The following PABPC4 variants were observed in gnomAD, a reference collection of about 807,000 sequenced individuals.
PABPC4 encodes poly(A) binding protein cytoplasmic 4.
Under a neutral mutation model 74.5 loss-of-function variants are expected in PABPC4, and 15 were observed. That is an observed-to-expected ratio of 0.20 (90% confidence interval 0.13 to 0.31). PABPC4 has a LOEUF of 0.31. PABPC4 is among the 10% of genes least tolerant of loss of function. The probability of loss-of-function intolerance (pLI) is 1.00; values close to 1 mark genes in which losing one functional copy is unlikely to be tolerated. For missense variants in PABPC4, 610 were observed against 853.5 expected, an observed-to-expected ratio of 0.71 and a Z score of 3.55; for synonymous variants, 345 against 303.0, an observed-to-expected ratio of 1.14 and a Z score of -1.44.
intron 12 of PABPC4, 99 bp downstream of exon 12, chr1:39,563,515 G>A (rs1020836759): frequency 1.4e-6 from 2 of 1,397,618 alleles, no homozygotes; most frequent in Middle Eastern, 2.6e-4. Flanking sequence ...ACACAGAGCA[G>A]GCATTTAATA....
rs116239106 is a variant in PABPC4, at chr1:39,564,007, C to T, written c.1454-85G>A. ...CCACGGAAGGAGAAATTTCAAAGCACGTTTACGCAACACATTGCACAGGGG... is the reference window on the plus strand; with the variant it reads ...CCACGGAAGGAGAAATTTCAAAGCATGTTTACGCAACACATTGCACAGGGG... On this transcript the variant is annotated intron_variant, in intron 10 of 15. Coordinates refer to ENST00000372858, the MANE Select transcript of PABPC4 (RefSeq NM_001135653.2). 4,127 of 1,271,928 alleles carry T rather than the reference C, an allele frequency of 3.2e-3. 74 individuals carry two copies. The African/African-American group carries it at 0.05, about 15-fold the overall frequency. The allele number at this position is 1,271,928 out of a possible 1,614,324, so 78.8% of individuals were successfully genotyped here.
chr1:39,569,411 G>A lies in PABPC4; in HGVS notation c.738+184C>T, dbSNP rs1427007782. On this transcript the variant is annotated intron_variant, in intron 5 of 15. Coordinates refer to ENST00000372858, the MANE Select transcript of PABPC4 (RefSeq NM_001135653.2). ...CTGAGGTGACAGGTATGTGCCAAGT[G>A]CTTTGTAAACACCTACATGAAGTTA... 6.6e-6 allele frequency: 4 copies of A among 604,154 alleles called. No individual in the cohort carries two copies. In the African/African-American group the frequency reaches 7.4e-5, roughly 11 times the overall value. 37.4% of individuals were successfully genotyped at this position (604,154 alleles called of 1,614,324 possible). A position where few individuals can be genotyped will look rare whatever the true frequency, so the allele number is the denominator to read the frequency against.
Position 39,562,055 on chromosome 1 carries a change from G to T in PABPC4, c.1893+18C>A, listed in dbSNP as rs201782350. On this transcript the variant is annotated intron_variant, in intron 14 of 15. Transcript: ENST00000372858. ...CCAAGCTGAGAACTGAAGCTGCAGGGTCTGAGCCCCAGCTCACCTTGGAGC... is the reference window on the plus strand; with the variant it reads ...CCAAGCTGAGAACTGAAGCTGCAGGTTCTGAGCCCCAGCTCACCTTGGAGC... 15 of 1,611,352 alleles carry T rather than the reference G, an allele frequency of 9.3e-6. No homozygotes were observed. The East Asian group carries it at 3.1e-4, about 34-fold the overall frequency.
rs935591168 is a variant in PABPC4, at chr1:39,561,108, T to C, written c.*28A>G. ...TTGAGTTGAATTCCATAAGGGGTTATTTGGCTTTTGAATCCTGTAAAGAAA... is the reference window on the plus strand; with the variant it reads ...TTGAGTTGAATTCCATAAGGGGTTACTTGGCTTTTGAATCCTGTAAAGAAA... On this transcript the variant is annotated 3_prime_UTR_variant, in exon 16 of 16. Transcript: ENST00000372858. 3 of 470,884 alleles carry C rather than the reference T, an allele frequency of 6.4e-6. No individual in the cohort carries two copies. Among genetic ancestry groups the C allele is most frequent in the South Asian group, 3.1e-5 (2 of 64,514 alleles). 29.2% of individuals were successfully genotyped at this position (470,884 alleles called of 1,614,324 possible).
At chr1:39,571,015 G>A in intron 3 of PABPC4, 1 of 1,400,948 alleles carries the variant, frequency 7.1e-7, no homozygotes. Flanking sequence ...TAAGGGAGAG[G>A]CGGCAGGCAG....
intron 7 of PABPC4, 136 bp downstream of exon 7, chr1:39,567,615 G>C (rs892091449): frequency 7.1e-6 from 5 of 699,724 alleles, no homozygotes; most frequent in Non-Finnish European, 1.0e-5. Context: ...AATGCATCCA[G>C]AAATTTTGCT....
chr1:39,575,574 G>C (rs1466106362), intron 1 of PABPC4, among the ~76,000 whole-genome samples, 185 bp downstream of exon 1: 1 of 152,232 alleles, frequency 6.6e-6, no homozygotes, highest in African/African-American at 2.4e-5. Flanking sequence ...GCAAGTGGTA[G>C]AAACAAGATT....
intron 1 of PABPC4, 109 bp downstream of exon 1, chr1:39,575,650 G>T: frequency 1.2e-6 from 1 of 849,436 alleles, no homozygotes; most frequent in Non-Finnish European, 1.7e-6. Flanking sequence ...CAGCTTCGGT[G>T]GCAACATGCT....
intron 3 of PABPC4, 51 bp from the exon 4 acceptor site, chr1:39,570,053 T>C (rs1645915798): frequency 1.3e-6 from 2 of 1,572,110 alleles, no homozygotes; most frequent in African/African-American, 1.4e-5. Flanking sequence ...TAAAACATGA[T>C]GTCCAGGGAC....
At chr1:39,572,224 C>G (rs950953617) in intron 2 of PABPC4, among the ~76,000 whole-genome samples, 169 bp downstream of exon 2, 2 of 152,152 alleles carry the variant, frequency 1.3e-5, no homozygotes, top group Non-Finnish European at 1.5e-5. Flanking sequence ...GCTGGTTACG[C>G]TGGGTATGGC....
chr1:39,576,690 T>C lies in PABPC4; in HGVS notation c.-739A>G, dbSNP rs1646031225. Reference sequence around the variant, plus strand: ...TTCTTTTCCTTTTTTTTTTTCAGGATTTTGAAGCGTTTTCAGATTTTTTTT... The same window carrying C: ...TTCTTTTCCTTTTTTTTTTTCAGGACTTTGAAGCGTTTTCAGATTTTTTTT... On this transcript the variant is annotated 5_prime_UTR_variant, in exon 1 of 16. Transcript: ENST00000372858. 2 of 149,338 alleles carry C rather than the reference T, an allele frequency of 1.3e-5. No homozygotes were observed. Among genetic ancestry groups the C allele is most frequent in the African/African-American group, 4.9e-5 (2 of 41,044 alleles). 9.3% of individuals were successfully genotyped at this position (149,338 alleles called of 1,614,324 possible).
At chr1:39,566,856 A>T (rs1164532192) in intron 7 of PABPC4, among the ~76,000 whole-genome samples, 1 of 152,200 alleles carries the variant, frequency 6.6e-6, no homozygotes. Context: ...AAAGGGTAAG[A>T]ACTGGGCAAA....
At position 39,572,403 on chromosome 1, in the gene PABPC4, A is replaced by G. The variant is rs1168629544; in HGVS notation, c.377T>C (p.Leu126Pro). Residue 126 changes from leucine (L) to proline (P), a missense_variant, in exon 2 of 16, where the codon CTG (leucine) becomes CCG (proline). By Grantham distance (98) the Leu-to-Pro change is moderately conservative. This residue lies in a region of PABPC4 where 304 missense variants were observed against 478.9 expected (regional missense o/e 0.63). Transcript: ENST00000372858. ...TTAATCAATGTTTACCTTGCAGGAC[A>G]GTATGTTTCCAAAAGCAGAAAAAGT... Reference protein sequence around the residue: ...YDTFSAFGNILSCKVVCDENG... With the variant: ...YDTFSAFGNIPSCKVVCDENG... 2 of 1,608,762 alleles carry G rather than the reference A, an allele frequency of 1.2e-6. No individual in the cohort carries two copies. Among genetic ancestry groups the G allele is most frequent in the Non-Finnish European group, 1.7e-6 (2 of 1,175,108 alleles).
At position 39,561,850 on chromosome 1, in the gene PABPC4, C is replaced by G. The variant is rs1012614228; in HGVS notation, c.1894-63G>C. On this transcript the variant is annotated intron_variant, in intron 14 of 15. Transcript: ENST00000372858. Reference sequence around the variant, plus strand: ...AGCTACTCCACCCCTCCCCAGTGCCCAGACCTAGTGGTGGACCAAAGCCAA... The same window carrying G: ...AGCTACTCCACCCCTCCCCAGTGCCGAGACCTAGTGGTGGACCAAAGCCAA... 19 of 1,449,644 alleles carry G rather than the reference C, an allele frequency of 1.3e-5. No homozygotes were observed. The East Asian group carries it at 4.3e-4, about 33-fold the overall frequency. The allele number at this position is 1,449,644 out of a possible 1,614,324, so 89.8% of individuals were successfully genotyped here. A position where few individuals can be genotyped will look rare whatever the true frequency, so the allele number is the denominator to read the frequency against.
At chr1:39,575,407 A>G (rs1296804428) in intron 1 of PABPC4, among the ~76,000 whole-genome samples, 1 of 152,162 alleles carries the variant, frequency 6.6e-6, no homozygotes, top group African/African-American at 2.4e-5. Flanking sequence ...CCAGCCTGTG[A>G]GGGGCACAAG....
intron 2 of PABPC4, among the ~76,000 whole-genome samples, chr1:39,571,966 T>G (rs1244825163): frequency 1.3e-5 from 2 of 152,232 alleles, no homozygotes; most frequent in Admixed American, 1.3e-4. Context: ...CAACAGATTT[T>G]CAGTGTAGTA....
chr1:39,561,175 C>A (rs933342749), intron 15 of PABPC4, 53 bp from the exon 16 acceptor site: 6 of 468,242 alleles, frequency 1.3e-5, no homozygotes, highest in Non-Finnish European at 2.2e-5. Flanking sequence ...AATTTAGATT[C>A]ATTAACATAT....
Position 39,561,689 on chromosome 1 carries a change from T to C in PABPC4, c.*9A>G, listed in dbSNP as rs200646087. 3.4e-4 allele frequency: 549 copies of C among 1,609,122 alleles called. 2 individuals carry two copies. In the African/African-American group the frequency reaches 6.4e-3, roughly 19 times the overall value. ...AATGAAAATAGCCACACATACGGTT[T>C]TTCCTTGTCTAAGAGGTAGCAGCAG... On this transcript the variant is annotated 3_prime_UTR_variant, in exon 15 of 16. Transcript: ENST00000372858.
chr1:39,567,978 C>A, intron 6 of PABPC4, 132 bp from the exon 7 acceptor site: 1 of 599,864 alleles, frequency 1.7e-6, no homozygotes, highest in South Asian at 2.0e-5. Flanking sequence ...AAATTCTCGG[C>A]CGGACGCGGT....
Sources: allele counts gnomAD v4.1 joint callset (sites outside exome capture counted in the v4.1 genomes callset), GRCh38; gene constraint gnomAD v4.1.1; regional missense constraint gnomAD v4.1.1; transcripts MANE v1.5; gene names NCBI Gene and HGNC (gene_info 2026-07-23, HGNC 2026-07-21).